PTGFRN: variants seen among roughly 807,000 people sequenced by gnomAD.
The protein encoded by PTGFRN is prostaglandin F2 receptor inhibitor.
Under a neutral mutation model 83.2 loss-of-function variants are expected in PTGFRN, and 35 were observed. The ratio of observed to expected loss-of-function variants is 0.42; its 90% CI spans 0.32 to 0.56. The LOEUF (loss-of-function observed/expected upper bound fraction) is 0.56. Among genes scored for constraint, PTGFRN ranks in the 20% least tolerant of loss-of-function variants. PTGFRN has a pLI of 0.11. For missense variants in PTGFRN, 1,051 were observed against 1,179.5 expected (o/e 0.89, Z 1.60); for synonymous variants, 519 against 498.6 (o/e 1.04, Z -0.55).
intron 7 of PTGFRN, among the ~76,000 whole-genome samples, chr1:116,982,929 C>G (rs1399728060): frequency 6.6e-6 from 1 of 152,080 alleles, no homozygotes; most frequent in Non-Finnish European, 1.5e-5. Context: ...AGAGGCCCAG[C>G]CCACCAGCTG....
chr1:116,936,539 A>G (rs1296127299), intron 1 of PTGFRN, among the ~76,000 whole-genome samples: 1 of 152,242 alleles, frequency 6.6e-6, no homozygotes, highest in Admixed American at 6.5e-5. Flanking sequence ...GAGTTGGGGA[A>G]GGCTTCACAG....
chr1:116,916,510 A>G (rs375497425), intron 1 of PTGFRN, among the ~76,000 whole-genome samples: 1 of 152,234 alleles, frequency 6.6e-6, no homozygotes, highest in South Asian at 2.1e-4. Context: ...AGAACTCCCC[A>G]GCTTATGGGC....
intron 7 of PTGFRN, among the ~76,000 whole-genome samples, chr1:116,975,823 C>G (rs1651134938): frequency 6.6e-6 from 1 of 152,172 alleles, no homozygotes; most frequent in South Asian, 2.1e-4. Context: ...CACCTCTCCC[C>G]CTCCAAAGGA....
intron 1 of PTGFRN, among the ~76,000 whole-genome samples, chr1:116,915,058 A>G (rs1321474382): frequency 1.3e-5 from 2 of 152,228 alleles, no homozygotes; most frequent in African/African-American, 4.8e-5. Flanking sequence ...ACTTGTCTAG[A>G]GACATACAGA....
chr1:116,942,872 C>T (rs1650095271), intron 2 of PTGFRN, among the ~76,000 whole-genome samples: 1 of 152,110 alleles, frequency 6.6e-6, no homozygotes, highest in South Asian at 2.1e-4. Flanking sequence ...AGAATATTTC[C>T]CTAATTTATA....
At chr1:116,955,168 G>T (rs931135600) in intron 4 of PTGFRN, among the ~76,000 whole-genome samples, 1 of 152,124 alleles carries the variant, frequency 6.6e-6, no homozygotes, top group African/African-American at 2.4e-5. Context: ...TTAGGGGAGG[G>T]TCACTCTTTT....
At chr1:116,970,837 T>C (rs1229386849) in intron 6 of PTGFRN, among the ~76,000 whole-genome samples, 1 of 152,186 alleles carries the variant, frequency 6.6e-6, no homozygotes, top group Non-Finnish European at 1.5e-5. Context: ...GTTCTTCCCA[T>C]GTTCACCTTC....
At position 116,918,936 on chromosome 1, in the gene PTGFRN, G is replaced by C. The variant is rs1021532628; in HGVS notation, c.49+8684G>C. Reference sequence around the variant, plus strand: ...GCAGGTGAGTGGGGCTTCCAGGCTTGATGCACCTGCAGAAGGTTTGAGGGC... The same window carrying C: ...GCAGGTGAGTGGGGCTTCCAGGCTTCATGCACCTGCAGAAGGTTTGAGGGC... On this transcript the variant is annotated intron_variant, in intron 1 of 8. Transcript: ENST00000393203. The surrounding 1 kb of genome is among the most constrained non-coding windows in gnomAD (Gnocchi z 4.1). Among the ~76,000 whole-genome samples, 4 of 152,192 alleles carry C rather than the reference G, an allele frequency of 2.6e-5. No individual in the cohort carries two copies. Among genetic ancestry groups the C allele is most frequent in the Non-Finnish European group, 4.4e-5 (3 of 68,024 alleles).
chr1:116,963,237 A>G (rs891446969), intron 5 of PTGFRN, among the ~76,000 whole-genome samples: 3 of 152,174 alleles, frequency 2.0e-5, no homozygotes, highest in African/African-American at 7.2e-5. Flanking sequence ...ATTATTCTGC[A>G]TTTCCTTAGT....
In PTGFRN at chr1:116,974,311, G is replaced by A; in HGVS notation, c.2155G>A (p.Ala719Thr). Residue 719 changes from alanine (A) to threonine (T), a missense_variant, in exon 7 of 9, where the codon GCA becomes ACA. Transcript: ENST00000393203. ...LFCIITVEGA[A>T]LDPDDMAFDV... ...CTGTATCATCACTGTCGAGGGAGCA[G>A]CACTGGATCCAGGTACCTCACTCCA... 6.2e-7 allele frequency: 1 copy of A among 1,607,196 alleles called. No homozygotes were observed. The highest frequency in any genetic ancestry group is 8.5e-7 in the Non-Finnish European group (1 of 1,173,888).
chr1:116,980,089 T>C (rs1322843880), intron 7 of PTGFRN, among the ~76,000 whole-genome samples: 1 of 152,150 alleles, frequency 6.6e-6, no homozygotes, highest in Non-Finnish European at 1.5e-5. Context: ...AAGACATTTA[T>C]GCAGCCAACA....
intron 4 of PTGFRN, among the ~76,000 whole-genome samples, chr1:116,956,348 A>G (rs1415705341): frequency 6.6e-6 from 1 of 152,120 alleles, no homozygotes; most frequent in Non-Finnish European, 1.5e-5. Flanking sequence ...CAATGAAGAG[A>G]TTTTTCTTTC....
chr1:116,985,209 C>T (rs534912534), intron 8 of PTGFRN, among the ~76,000 whole-genome samples: 1 of 152,306 alleles, frequency 6.6e-6, no homozygotes, highest in South Asian at 2.1e-4. Flanking sequence ...AAATAATTTT[C>T]AAGACTTACT....
intron 4 of PTGFRN, among the ~76,000 whole-genome samples, chr1:116,950,073 G>T (rs1476283376): frequency 6.6e-6 from 1 of 151,984 alleles, no homozygotes; most frequent in African/African-American, 2.4e-5. Context: ...TAAAGGGCCC[G>T]CCTGCTTCTA....
intron 7 of PTGFRN, among the ~76,000 whole-genome samples, chr1:116,976,399 G>C (rs2101086913): frequency 6.6e-6 from 1 of 152,246 alleles, no homozygotes; most frequent in Admixed American, 6.5e-5. Context: ...CTCGAGAAGA[G>C]GAACTCCAAG....
rs1650555431 is a variant in PTGFRN at position 116,958,368 on chromosome 1, T to G, written c.1214-2875T>G. ...AAAATCATGTGTCAGTCAGTGGAAC[T>G]TAGAAAATATGAAGTTTAGAAGACA... On this transcript the variant is annotated intron_variant, in intron 4 of 8. Transcript: ENST00000393203. This position sits in a 1 kb window ranked among gnomAD's most constrained non-coding sequence, Gnocchi z 4.9. Among the ~76,000 whole-genome samples the G allele has an allele frequency of 1.3e-5, 2 of 152,120 alleles. No individual in the cohort carries two copies. Among genetic ancestry groups the G allele is most frequent in the African/African-American group, 4.8e-5 (2 of 41,432 alleles).
chr1:116,978,242 AC>A lies in PTGFRN; in HGVS notation c.2167+3921del, dbSNP rs1430896479. Among the ~76,000 whole-genome samples the A allele has an allele frequency of 4.6e-5, 7 of 152,194 alleles. No homozygotes were observed. The East Asian group carries it at 1.3e-3, about 29-fold the overall frequency. On this transcript the variant is annotated intron_variant, in intron 7 of 8. Coordinates refer to ENST00000393203, the MANE Select transcript of PTGFRN (RefSeq NM_020440.4). Reference sequence around the variant, plus strand: ...TGAGGCAATAATTAATAGCCTACCAACCAAAAAAAGTCCAGGAGCAGACGGA... The same window carrying A: ...TGAGGCAATAATTAATAGCCTACCAACAAAAAAAGTCCAGGAGCAGACGGA...
chr1:116,927,238 C>G lies in PTGFRN; in HGVS notation c.50-14477C>G, dbSNP rs1203866101. On this transcript the variant is annotated intron_variant, in intron 1 of 8. Transcript: ENST00000393203. Reference sequence around the variant, plus strand: ...GACATGAAGTTCTATTTTGTCCAACCCTAACCTGGAACTACACAGATAAGA... The same window carrying G: ...GACATGAAGTTCTATTTTGTCCAACGCTAACCTGGAACTACACAGATAAGA... Among the ~76,000 whole-genome samples, 4 of 152,230 alleles carry G rather than the reference C, an allele frequency of 2.6e-5. 1 individual carries two copies. In the East Asian group the frequency reaches 7.7e-4, roughly 29 times the overall value.
chr1:116,986,858 G>A lies in PTGFRN; in HGVS notation c.2531G>A (p.Gly844Glu). 1 of 1,614,190 alleles carries A rather than the reference G, an allele frequency of 6.2e-7. No homozygotes were observed. Among genetic ancestry groups the A allele is most frequent in the African/African-American group, 1.3e-5 (1 of 75,062 alleles). The change falls in exon 9 of 9, where the codon GGG becomes GAG. Residue 844 changes from glycine (G) to glutamate (E), a missense_variant. By Grantham distance (98) the Gly-to-Glu change is moderately conservative. Coordinates refer to ENST00000393203, the MANE Select transcript of PTGFRN (RefSeq NM_020440.4). ...LIGVGLSTVI[G>E]LLSCLIGYCS... ...GGCGTCGGTCTGTCCACGGTCATCG[G>A]GCTCCTGTCCTGTCTCATCGGGTAC...
Sources: allele counts gnomAD v4.1 joint callset (sites outside exome capture counted in the v4.1 genomes callset), GRCh38; gene constraint gnomAD v4.1.1; non-coding constraint Gnocchi (gnomAD v3.1); transcripts MANE v1.5; gene names NCBI Gene and HGNC (gene_info 2026-07-23, HGNC 2026-07-21).